The following UGGT2 variants were observed in gnomAD, a reference collection of about 807,000 sequenced individuals.
UGGT2 encodes the protein UDP-glucose:glycoprotein glucosyltransferase 2.
Under a neutral mutation model 192.1 loss-of-function variants are expected in UGGT2, and 180 were observed. The ratio of observed to expected loss-of-function variants is 0.94; its 90% CI spans 0.83 to 1.06. The LOEUF (loss-of-function observed/expected upper bound fraction) is 1.06. Ranked by LOEUF, UGGT2 falls within the 50% of genes least tolerant of loss-of-function variation. The pLI, the probability that UGGT2 is intolerant of heterozygous loss-of-function variation, is 0.00. For missense variants in UGGT2, 1,849 were observed against 1,795.7 expected (o/e 1.03, Z -0.54); for synonymous variants, 580 against 591.0 (o/e 0.98, Z 0.27).
chr13:95,877,042 T>C (rs1001160698), intron 29 of UGGT2: 8 of 358,234 alleles, frequency 2.2e-5, no homozygotes, highest in East Asian at 9.4e-5. Flanking sequence ...CGCCACCATG[T>C]CTGGCAAATT....
At chr13:95,949,859 A>G (rs930727659) in intron 12 of UGGT2, among the ~76,000 whole-genome samples, 4 of 152,202 alleles carry the variant, frequency 2.6e-5, no homozygotes, top group Middle Eastern at 3.2e-3. Context: ...TATAAAAATT[A>G]AATTATAAAA....
At chr13:96,013,775 T>G (rs1309719351) in intron 4 of UGGT2, among the ~76,000 whole-genome samples, 1 of 152,108 alleles carries the variant, frequency 6.6e-6, no homozygotes, top group Non-Finnish European at 1.5e-5. Flanking sequence ...AAATTTATAT[T>G]TTATGCAGTT....
Position 95,894,449 on chromosome 13 carries a change from C to G in UGGT2, c.2855+113G>C, listed in dbSNP as rs1252156863. 3 of 755,640 alleles carry G rather than the reference C, an allele frequency of 4.0e-6. No individual in the cohort carries two copies. In the African/African-American group the frequency reaches 5.3e-5, roughly 13 times the overall value. The allele number at this position is 755,640 out of a possible 1,614,324, so 46.8% of individuals were successfully genotyped here. ...CCTAATACTGTCAAATACATTTATTCCCTAATAAATAACTTTTAATTCTAC... is the reference window on the plus strand; with the variant it reads ...CCTAATACTGTCAAATACATTTATTGCCTAATAAATAACTTTTAATTCTAC... On this transcript the variant is annotated intron_variant, in intron 24 of 38. Coordinates refer to ENST00000376747, the MANE Select transcript of UGGT2 (RefSeq NM_020121.4).
chr13:96,046,392 A>G (rs1235009354), intron 1 of UGGT2, among the ~76,000 whole-genome samples: 1 of 152,232 alleles, frequency 6.6e-6, no homozygotes, highest in East Asian at 1.9e-4. Flanking sequence ...CTAGAAGATA[A>G]CCTCAGAAAA....
intron 36 of UGGT2, among the ~76,000 whole-genome samples, chr13:95,844,185 C>T (rs1287969438): frequency 6.6e-6 from 1 of 152,182 alleles, no homozygotes; most frequent in Non-Finnish European, 1.5e-5. Context: ...TGGTCTTCAA[C>T]TCCTGACCTC....
At chr13:96,048,731 T>C (rs1368597426) in intron 1 of UGGT2, among the ~76,000 whole-genome samples, 3 of 151,892 alleles carry the variant, frequency 2.0e-5, no homozygotes, top group East Asian at 1.9e-4. Context: ...AACTAGAAAA[T>C]CTAGAAGAAA....
At chr13:95,963,730 T>C (rs184488132) in intron 12 of UGGT2, among the ~76,000 whole-genome samples, 2 of 152,210 alleles carry the variant, frequency 1.3e-5, no homozygotes, top group Admixed American at 1.3e-4. Context: ...AGTGTTTCTA[T>C]ACACAAATAA....
Position 95,890,907 on chromosome 13 carries a change from A to G in UGGT2, c.2913T>C (p.Val971=), listed in dbSNP as rs2047781815. 9 of 1,613,068 alleles carry G rather than the reference A, an allele frequency of 5.6e-6. No individual in the cohort carries two copies. The highest frequency in any genetic ancestry group is 7.6e-6 in the Non-Finnish European group (9 of 1,179,452). ...TCTGTGCTTCTCTTGTTAATGGATC[A>G]ACAATAGCAATGACATTGAAGAACA... ...NDMFFNVIAI[V]DPLTREAQKM... Residue 971 remains valine, a synonymous_variant, in exon 25 of 39, where the codon GTT becomes GTC. Coordinates refer to ENST00000376747, the MANE Select transcript of UGGT2 (RefSeq NM_020121.4).
chr13:96,052,033 T>C (rs1186020438), intron 1 of UGGT2, among the ~76,000 whole-genome samples: 1 of 152,184 alleles, frequency 6.6e-6, no homozygotes, highest in Non-Finnish European at 1.5e-5. Context: ...AGTATGTTTA[T>C]AGCAGCACAA....
chr13:95,962,724 C>T (rs1352382723), intron 12 of UGGT2, among the ~76,000 whole-genome samples: 4 of 152,116 alleles, frequency 2.6e-5, no homozygotes, highest in Non-Finnish European at 5.9e-5. Context: ...ATACCAAAAC[C>T]AGACGAGGAC....
rs571937956 is a variant in UGGT2 at position 95,940,068 on chromosome 13, A to G, written c.1701T>C (p.Asp567=). The G allele has an allele frequency of 6.5e-7, 1 of 1,539,470 alleles. No individual in the cohort carries two copies. The highest frequency in any genetic ancestry group is 2.4e-5 in the East Asian group (1 of 41,176). ...CATTGTCCACAGTGAGTATATTTTG[A>G]TCCTTCTTCACTTTTTGGTACATCT... ...IVHMYQKVKK[D]QNILTVDNVK... Residue 567 remains aspartate, a synonymous_variant, in exon 16 of 39, where the codon GAT becomes GAC. Transcript: ENST00000376747.
At chr13:95,877,920 TA>T in intron 27 of UGGT2, 64 bp from the exon 28 acceptor site, 1 of 1,469,748 alleles carries the variant, frequency 6.8e-7, no homozygotes, top group Non-Finnish European at 9.1e-7. Context: ...AATTTTGAAA[TA>T]AATAAATGTG....
chr13:95,949,205 AG>A (rs2049979576), intron 13 of UGGT2, 129 bp downstream of exon 13: 3 of 891,458 alleles, frequency 3.4e-6, no homozygotes, highest in Non-Finnish European at 4.6e-6. Flanking sequence ...ATGCCACCTA[AG>A]CTTGCTGCTT....
intron 9 of UGGT2, chr13:95,985,211 G>C (rs1209572811): frequency 9.5e-7 from 1 of 1,057,664 alleles, no homozygotes; most frequent in African/African-American, 1.7e-5. Flanking sequence ...AAATATTATG[G>C]CTAAACAGAT....
chr13:95,826,651 A>G (rs1395079289), intron 38 of UGGT2, among the ~76,000 whole-genome samples: 1 of 152,134 alleles, frequency 6.6e-6, no homozygotes, highest in African/African-American at 2.4e-5. Flanking sequence ...ATATATATAT[A>G]TAAGCTATAT....
chr13:95,814,494 A>G (rs1353670415), intron 38 of UGGT2, among the ~76,000 whole-genome samples: 1 of 152,220 alleles, frequency 6.6e-6, no homozygotes, highest in Non-Finnish European at 1.5e-5. Context: ...TCCTTTTGGA[A>G]GAGGAATGTT....
intron 38 of UGGT2, among the ~76,000 whole-genome samples, chr13:95,824,619 C>A (rs1169291570): frequency 1.3e-5 from 2 of 152,078 alleles, no homozygotes; most frequent in Non-Finnish European, 2.9e-5. Flanking sequence ...CTAAGCATGT[C>A]TTTCATTTCC....
intron 2 of UGGT2, among the ~76,000 whole-genome samples, chr13:96,029,231 T>C (rs974287756): frequency 1.3e-5 from 2 of 152,186 alleles, no homozygotes; most frequent in African/African-American, 4.8e-5. Context: ...TATCACCACA[T>C]GCATTAGACT....
chr13:96,007,788 G>C (rs1053101814), intron 5 of UGGT2, among the ~76,000 whole-genome samples: 2 of 151,970 alleles, frequency 1.3e-5, no homozygotes, highest in Non-Finnish European at 2.9e-5. Context: ...GAATCGAAGA[G>C]AACACCAAAA....
Sources: allele counts gnomAD v4.1 joint callset (sites outside exome capture counted in the v4.1 genomes callset), GRCh38; gene constraint gnomAD v4.1.1; transcripts MANE v1.5; gene names NCBI Gene and HGNC (gene_info 2026-07-23, HGNC 2026-07-21).